Variants in SLCO3A1 observed in about 807,000 individuals in gnomAD.
SLCO3A1 encodes solute carrier organic anion transporter family member 3A1, also known as PGE1 transporter.
Under a neutral mutation model 63.1 loss-of-function variants are expected in SLCO3A1, and 27 were observed. The ratio of observed to expected loss-of-function variants is 0.43; its 90% CI spans 0.32 to 0.59. The LOEUF is 0.59. SLCO3A1 is among the 20% of genes least tolerant of loss of function. The probability of loss-of-function intolerance (pLI) is 0.09; values close to 1 mark genes in which losing one functional copy is unlikely to be tolerated. For missense variants in SLCO3A1, 773 were observed against 945.8 expected (o/e 0.82, Z 2.40); for synonymous variants, 473 against 409.9 (o/e 1.15, Z -1.86).
chr15:91,907,430 T>G (rs1219802411), intron 1 of SLCO3A1, among the ~76,000 whole-genome samples: 1 of 152,116 alleles, frequency 6.6e-6, no homozygotes, highest in Non-Finnish European at 1.5e-5. Flanking sequence ...GGTCTTGAAC[T>G]GCTGACCTCA....
At position 92,091,045 on chromosome 15, in the gene SLCO3A1, G is replaced by C. The variant is rs542530347; in HGVS notation, c.647-3836G>C. 4.6e-5 allele frequency among the ~76,000 whole-genome samples: 7 copies of C among 152,254 alleles called. No homozygotes were observed. In the East Asian group the frequency reaches 1.4e-3, roughly 29 times the overall value. On this transcript the variant is annotated intron_variant, in intron 2 of 9. Transcript: ENST00000318445. The stretch of plus-strand genomic sequence containing the variant: ...TACTCTCACCTGGACTTTTCCCTTA[G>C]GGGGTTAGAAAACCTGGGCAATCCT...
At position 91,894,748 on chromosome 15, in the gene SLCO3A1, T is replaced by C. The variant is rs983181516; in HGVS notation, c.181-21245T>C. On this transcript the variant is annotated intron_variant, in intron 1 of 9. Transcript: ENST00000318445. This position sits in a 1 kb window ranked among gnomAD's most constrained non-coding sequence, Gnocchi z 4.8. ...GAATTTCTAAAAGGCTCTCTGGTGA[T>C]GTCAGCTACTCCTGCTGGAGCCCCA... Among the ~76,000 whole-genome samples, 5 of 152,206 alleles carry C rather than the reference T, an allele frequency of 3.3e-5. No individual in the cohort carries two copies. The highest frequency in any genetic ancestry group is 6.5e-5 in the Admixed American group (1 of 15,284).
chr15:91,913,162 T>A (rs1898537451), intron 1 of SLCO3A1, among the ~76,000 whole-genome samples: 1 of 152,232 alleles, frequency 6.6e-6, no homozygotes, highest in Non-Finnish European at 1.5e-5. Flanking sequence ...AAAGTAACAG[T>A]CTAATCACAT....
intron 2 of SLCO3A1, among the ~76,000 whole-genome samples, chr15:92,008,483 A>T (rs931332325): frequency 6.6e-6 from 1 of 152,244 alleles, no homozygotes; most frequent in Non-Finnish European, 1.5e-5. Flanking sequence ...TGCACATTCA[A>T]TGAGCTAAAA....
chr15:91,985,587 C>T (rs1044209247), intron 2 of SLCO3A1, among the ~76,000 whole-genome samples: 7 of 152,186 alleles, frequency 4.6e-5, no homozygotes, highest in African/African-American at 1.7e-4. Flanking sequence ...AGCAGTTCCA[C>T]GCTCACCAAC....
At chr15:92,073,298 C>A (rs1444963413) in intron 2 of SLCO3A1, among the ~76,000 whole-genome samples, 1 of 152,156 alleles carries the variant, frequency 6.6e-6, no homozygotes, top group Admixed American at 6.5e-5. Flanking sequence ...GGCTCGGTAG[C>A]ATGAGTTTAC....
chr15:91,962,608 A>G (rs962340719), intron 2 of SLCO3A1, among the ~76,000 whole-genome samples: 4 of 151,318 alleles, frequency 2.6e-5, no homozygotes, highest in Non-Finnish European at 5.9e-5. Context: ...GAGCCGGGGA[A>G]GGAGGAGAGA....
At chr15:92,095,893 C>T (rs2047532801) in intron 3 of SLCO3A1, among the ~76,000 whole-genome samples, 1 of 152,212 alleles carries the variant, frequency 6.6e-6, no homozygotes, top group Non-Finnish European at 1.5e-5. Context: ...GAAACCTCTA[C>T]TCAGAAATGA....
chr15:92,170,744 T>TA, downstream of SLCO3A1: 1 of 152,254 alleles, frequency 6.6e-6, no homozygotes, highest in East Asian at 1.9e-4. Flanking sequence ...AATCTAGGTT[T>TA]CACTTTAATA....
At chr15:91,969,382 T>C (rs2151427556) in intron 2 of SLCO3A1, among the ~76,000 whole-genome samples, 1 of 152,096 alleles carries the variant, frequency 6.6e-6, no homozygotes, top group African/African-American at 2.4e-5. Context: ...CTTGGCTCAC[T>C]GCAACCTCCA....
At chr15:92,086,177 G>T (rs1444609476) in intron 2 of SLCO3A1, among the ~76,000 whole-genome samples, 1 of 152,128 alleles carries the variant, frequency 6.6e-6, no homozygotes, top group Admixed American at 6.5e-5. Flanking sequence ...TGCATCATTG[G>T]ATTAGTTTAT....
At chr15:91,881,110 G>T (rs1257819478) in intron 1 of SLCO3A1, among the ~76,000 whole-genome samples, 2 of 152,136 alleles carry the variant, frequency 1.3e-5, no homozygotes, top group Non-Finnish European at 2.9e-5. Flanking sequence ...ATGGGAGAAG[G>T]TACCTTTTCT....
intron 2 of SLCO3A1, among the ~76,000 whole-genome samples, chr15:91,933,155 C>T (rs1004450708): frequency 6.6e-6 from 1 of 152,024 alleles, no homozygotes. Context: ...TAGAAATATA[C>T]AGCAAAATTA....
At chr15:92,027,107 G>T (rs1302752097) in intron 2 of SLCO3A1, among the ~76,000 whole-genome samples, 1 of 151,918 alleles carries the variant, frequency 6.6e-6, no homozygotes, top group South Asian at 2.1e-4. Context: ...AAAAAAAAAG[G>T]GGGGGTACAT....
At chr15:92,013,080 T>C (rs1387397039) in intron 2 of SLCO3A1, among the ~76,000 whole-genome samples, 3 of 152,160 alleles carry the variant, frequency 2.0e-5, no homozygotes, top group Non-Finnish European at 2.9e-5. Flanking sequence ...GAGACTGACA[T>C]CTCCACTGGA....
rs879779683 is a variant in SLCO3A1, at chr15:91,865,044, C to T, written c.180+10956C>T. The stretch of plus-strand genomic sequence containing the variant: ...TGGGCAGTGTCCTTTCTGCCCCCTC[C>T]GTGGTTGGCCACCCGCTGTCCCTAT... On this transcript the variant is annotated intron_variant, in intron 1 of 9. Transcript: ENST00000318445. The surrounding 1 kb of genome is among the most constrained non-coding windows in gnomAD (Gnocchi z 4.6). 2.6e-5 allele frequency among the ~76,000 whole-genome samples: 4 copies of T among 152,206 alleles called. No individual in the cohort carries two copies. The South Asian group carries it at 6.2e-4, about 24-fold the overall frequency.
downstream of SLCO3A1, among the ~76,000 whole-genome samples, chr15:92,166,699 G>A (rs1357613475): frequency 3.3e-5 from 5 of 152,356 alleles, no homozygotes; most frequent in East Asian, 9.6e-4. Context: ...TTCTCCTGTG[G>A]TTGCTAATGG....
intron 2 of SLCO3A1, among the ~76,000 whole-genome samples, chr15:92,041,776 A>G (rs2046799464): frequency 6.6e-6 from 1 of 152,236 alleles, no homozygotes; most frequent in South Asian, 2.1e-4. Flanking sequence ...TCTTAGGTAC[A>G]GAAAGGAATT....
chr15:91,925,322 GT>G (rs1898974903), intron 2 of SLCO3A1, among the ~76,000 whole-genome samples: 1 of 152,188 alleles, frequency 6.6e-6, no homozygotes, highest in African/African-American at 2.4e-5. Context: ...CGAGCATTGT[GT>G]TTTGCTATTG....
Sources: allele counts gnomAD v4.1 joint callset (sites outside exome capture counted in the v4.1 genomes callset), GRCh38; gene constraint gnomAD v4.1.1; non-coding constraint Gnocchi (gnomAD v3.1); transcripts MANE v1.5; gene names NCBI Gene and HGNC (gene_info 2026-07-23, HGNC 2026-07-21).